TRPM3: variants seen among roughly 807,000 people sequenced by gnomAD.
TRPM3 encodes the protein transient receptor potential cation channel subfamily M member 3.
A neutral mutation model predicts 181.2 loss-of-function variants in TRPM3; 77 were observed. The observed-to-expected ratio is 0.42, with a 90% CI of 0.35 to 0.51. The LOEUF (loss-of-function observed/expected upper bound fraction) is 0.51, where lower values mean the gene tolerates loss of function less well. Among genes scored for constraint, TRPM3 ranks in the 20% least tolerant of loss-of-function variants. The probability of loss-of-function intolerance (pLI) is 0.01; values close to 1 mark genes in which losing one functional copy is unlikely to be tolerated. For synonymous variants in TRPM3, 745 were observed against 796.4 expected (o/e 0.94, Z 1.09); for missense variants, 1,759 against 2,196.7 (o/e 0.80, Z 3.98).
intron 9 of TRPM3, 95 bp from the exon 10 acceptor site, chr9:70,640,755 G>A: frequency 6.6e-6 from 6 of 907,946 alleles, no homozygotes; most frequent in Non-Finnish European, 1.0e-5. Context: ...TGCCATTAAT[G>A]CCCCTATTCC....
At chr9:70,763,775 ATCAGCAAT>A (rs2078594641) in intron 7 of TRPM3, among the ~76,000 whole-genome samples, 1 of 152,188 alleles carries the variant, frequency 6.6e-6, no homozygotes, top group Non-Finnish European at 1.5e-5. Flanking sequence ...AAAGATGTGA[ATCAGCAAT>A]TCAACCATGA....
chr9:71,102,745 C>T lies in TRPM3; in HGVS notation c.177+18433G>A, dbSNP rs1888074. ...CTTGAATATCTGGTATGTTCTTCTACTACATTTTTATTAGAAAGCAATATG... is the reference window on the plus strand; with the variant it reads ...CTTGAATATCTGGTATGTTCTTCTATTACATTTTTATTAGAAAGCAATATG... On this transcript the variant is annotated intron_variant, in intron 1 of 25. Transcript: ENST00000677713. Among the ~76,000 whole-genome samples the T allele has an allele frequency of 5.1e-4, 77 of 152,232 alleles. 1 individual carries two copies. In the South Asian group the frequency reaches 0.012, roughly 25 times the overall value.
intron 1 of TRPM3, among the ~76,000 whole-genome samples, chr9:71,040,953 A>C (rs939829127): frequency 3.3e-5 from 5 of 152,186 alleles, no homozygotes; most frequent in African/African-American, 1.2e-4. Context: ...AGACTGAAGG[A>C]AACGGAGGGG....
At chr9:71,272,202 A>G (rs1343564731) in intron 1 of TRPM3, among the ~76,000 whole-genome samples, 1 of 152,174 alleles carries the variant, frequency 6.6e-6, no homozygotes, top group Non-Finnish European at 1.5e-5. Flanking sequence ...ATCTTTTTAA[A>G]AATTTTTAAT....
intron 20 of TRPM3, among the ~76,000 whole-genome samples, chr9:70,602,294 T>C (rs894465356): frequency 5.3e-5 from 8 of 152,296 alleles, no homozygotes; most frequent in Admixed American, 3.9e-4. Flanking sequence ...TAACAGATAC[T>C]GCATCTTTTC....
intron 1 of TRPM3, among the ~76,000 whole-genome samples, chr9:71,316,728 A>T (rs2088630481): frequency 6.6e-6 from 1 of 152,190 alleles, no homozygotes; most frequent in Non-Finnish European, 1.5e-5. Flanking sequence ...ATATTAGCCC[A>T]GTGAGAGTCA....
chr9:70,674,000 G>A (rs1255142476), intron 9 of TRPM3, among the ~76,000 whole-genome samples: 1 of 145,522 alleles, frequency 6.9e-6, no homozygotes, highest in Non-Finnish European at 1.5e-5. Flanking sequence ...TCATAAAAAT[G>A]TCAACAAGTA....
chr9:71,093,133 TAGA>T (rs2133931284), intron 1 of TRPM3, among the ~76,000 whole-genome samples: 1 of 152,174 alleles, frequency 6.6e-6, no homozygotes, highest in Admixed American at 6.6e-5. Flanking sequence ...ATAAAAATCA[TAGA>T]AGAAAACCTA....
At chr9:70,851,729 T>A (rs866393634) in intron 3 of TRPM3, among the ~76,000 whole-genome samples, 1 of 152,136 alleles carries the variant, frequency 6.6e-6, no homozygotes, top group Non-Finnish European at 1.5e-5. Flanking sequence ...CAGCTCCCCA[T>A]CTTACAGATG....
At chr9:70,759,153 C>T (rs957525717) in intron 8 of TRPM3, among the ~76,000 whole-genome samples, 17 of 152,110 alleles carry the variant, frequency 1.1e-4, no homozygotes, top group Admixed American at 8.5e-4. Context: ...CAAACAACCC[C>T]GTCAAAAAGT....
chr9:70,912,107 C>T (rs2096543937), intron 1 of TRPM3, among the ~76,000 whole-genome samples: 1 of 152,146 alleles, frequency 6.6e-6, no homozygotes, highest in Non-Finnish European at 1.5e-5. Flanking sequence ...GTGTCTCAAT[C>T]TGTGCATAGT....
intron 9 of TRPM3, among the ~76,000 whole-genome samples, chr9:70,653,908 C>T (rs761375095): frequency 2.0e-5 from 3 of 152,058 alleles, no homozygotes; most frequent in Non-Finnish European, 4.4e-5. Context: ...CTTCTTAGTT[C>T]TAAAGTTCTG....
At chr9:71,387,094 T>C (rs2092942506) in intron 1 of TRPM3, among the ~76,000 whole-genome samples, 1 of 152,050 alleles carries the variant, frequency 6.6e-6, no homozygotes, top group Admixed American at 6.6e-5. Flanking sequence ...AGAGACCGAG[T>C]ATGAATAGAT....
rs539580042 is a variant in TRPM3, at chr9:70,792,081, G to A, written c.974-7802C>T. Among the ~76,000 whole-genome samples the A allele has an allele frequency of 7.2e-5, 11 of 152,222 alleles. No individual in the cohort carries two copies. The South Asian group carries it at 1.7e-3, about 23-fold the overall frequency. On this transcript the variant is annotated intron_variant, in intron 6 of 25. Transcript: ENST00000677713. ...TGTACTGAAAACTCTCATGGTGTCC[G>A]CCCTATCCCCTCTCCCCTGTCAGAG...
At chr9:71,084,430 G>T (rs981325180) in intron 1 of TRPM3, among the ~76,000 whole-genome samples, 2 of 151,912 alleles carry the variant, frequency 1.3e-5, no homozygotes, top group Admixed American at 6.6e-5. Flanking sequence ...TAAAGTTTCA[G>T]GATACAAAAT....
chr9:71,261,892 G>A (rs867920082), intron 1 of TRPM3, among the ~76,000 whole-genome samples: 46 of 152,274 alleles, frequency 3.0e-4, no homozygotes, highest in African/African-American at 1.0e-3. Flanking sequence ...TCCCAGAGGG[G>A]CACCTGCCAG....
At chr9:70,920,097 G>T (rs1350492727) in intron 1 of TRPM3, among the ~76,000 whole-genome samples, 1 of 152,192 alleles carries the variant, frequency 6.6e-6, no homozygotes, top group Non-Finnish European at 1.5e-5. Context: ...GACATTTACT[G>T]TAGATAATGT....
At chr9:70,838,414 T>C (rs1239710052) in intron 5 of TRPM3, among the ~76,000 whole-genome samples, 1 of 152,194 alleles carries the variant, frequency 6.6e-6, no homozygotes, top group African/African-American at 2.4e-5. Flanking sequence ...TATCTCTTTC[T>C]ACCATGTGAA....
chr9:70,613,602 C>T (rs959400651), intron 18 of TRPM3, among the ~76,000 whole-genome samples: 1 of 152,212 alleles, frequency 6.6e-6, no homozygotes, highest in Admixed American at 6.5e-5. Context: ...GGGAAGGGTC[C>T]ACTTTACAGA....
Sources: allele counts gnomAD v4.1 joint callset (sites outside exome capture counted in the v4.1 genomes callset), GRCh38; gene constraint gnomAD v4.1.1; transcripts MANE v1.5; gene names NCBI Gene and HGNC (gene_info 2026-07-23, HGNC 2026-07-21).